Variants in RPL39 observed in about 807,000 individuals in gnomAD.
RPL39 encodes large ribosomal subunit protein eL39.
For synonymous variants in RPL39, 8 were observed against 11.4 expected (o/e 0.70, Z 0.60); for missense variants, 6 against 37.2 (o/e 0.16, Z 2.18).
chrX:119,787,365 C>T (rs1352887627), intron 2 of RPL39: 1 of 372,054 alleles, frequency 2.7e-6, no homozygotes, highest in African/African-American at 2.6e-5. Flanking sequence ...TTGTCCATGT[C>T]AATCTGTCAT....
Position 119,787,501 on chromosome X carries a change from G to A in RPL39, c.108-769C>T, listed in dbSNP as rs142012747. On this transcript the variant is annotated intron_variant, in intron 2 of 2. Transcript: ENST00000361575. Reference sequence around the variant, plus strand: ...ACCTGCTTTCAAAAACATTTTTAACGCTGGAAGATAGCTAAAACAATGAAA... The same window carrying A: ...ACCTGCTTTCAAAAACATTTTTAACACTGGAAGATAGCTAAAACAATGAAA... 3,400 of 369,946 alleles carry A rather than the reference G, an allele frequency of 9.2e-3. 42 individuals are homozygous for A. The highest frequency in any genetic ancestry group is 0.054 in the South Asian group (2,272 of 42,045). The allele number at this position is 369,946 out of a possible 1,213,427, so 30.5% of individuals were successfully genotyped here.
At chrX:119,790,290 G>A (rs2055692327) in intron 1 of RPL39, 2 of 213,061 alleles carry the variant, frequency 9.4e-6, no homozygotes, top group South Asian at 2.4e-4. Context: ...TCAAACCCAG[G>A]TCCTTTCTGC....
intron 2 of RPL39, 48 bp downstream of exon 2, chrX:119,789,860 G>A (rs1198257109): frequency 2.9e-6 from 2 of 701,363 alleles, no homozygotes; most frequent in Non-Finnish European, 4.6e-6. Context: ...GCCAGACACA[G>A]TGGCTCTTAC....
chrX:119,788,789 C>A (rs1162076923), intron 2 of RPL39, among the ~76,000 whole-genome samples: 2 of 111,596 alleles, frequency 1.8e-5, no homozygotes, highest in East Asian at 5.6e-4. Context: ...GACCAAAGAG[C>A]GATGGGCTGA....
intron 2 of RPL39, among the ~76,000 whole-genome samples, chrX:119,787,966 T>C (rs139475716): frequency 1.5e-3 from 172 of 111,489 alleles, no homozygotes; most frequent in South Asian, 9.4e-3. Context: ...GGTTTATATA[T>C]ACTTCTTTCA....
In RPL39 at chrX:119,789,894, G is replaced by A. The variant is rs2055689936; in HGVS notation, c.107+14C>T. 2 of 1,000,151 alleles carry A rather than the reference G, an allele frequency of 2.0e-6. No individual in the cohort carries two copies. The highest frequency in any genetic ancestry group is 3.0e-5 in the East Asian group (1 of 32,933). 82.4% of individuals were successfully genotyped at this position (1,000,151 alleles called of 1,213,427 possible). A position where few individuals can be genotyped will look rare whatever the true frequency, so the allele number is the denominator to read the frequency against. On this transcript the variant is annotated intron_variant, in intron 2 of 2. Coordinates refer to ENST00000361575, the MANE Select transcript of RPL39 (RefSeq NM_001000.4). ...ACATTTAGCAAAATACAAGCAGTATGATGGAGGTCTTACCTGATTTTATTT... is the reference window on the plus strand; with the variant it reads ...ACATTTAGCAAAATACAAGCAGTATAATGGAGGTCTTACCTGATTTTATTT...
At chrX:119,788,921 A>G (rs756153221) in intron 2 of RPL39, among the ~76,000 whole-genome samples, 3 of 112,181 alleles carry the variant, frequency 2.7e-5, no homozygotes, top group Non-Finnish European at 3.8e-5. Flanking sequence ...CTTCTGCAGT[A>G]GAGGACAGTT....
At chrX:119,786,769 T>C (rs748409563) in intron 2 of RPL39, 37 bp from the exon 3 acceptor site, 4 of 1,087,898 alleles carry the variant, frequency 3.7e-6, no homozygotes, top group African/African-American at 1.8e-5. Flanking sequence ...AAAGGCAGTC[T>C]GACAGCAATG....
chrX:119,786,851 A>G, intron 2 of RPL39, 119 bp from the exon 3 acceptor site: 1 of 529,249 alleles, frequency 1.9e-6, no homozygotes. Context: ...CTCCTCTAAC[A>G]AGTTTGGAGT....
chrX:119,791,434 G>A (rs2055700670), intron 1 of RPL39, 140 bp downstream of exon 1: 3 of 545,442 alleles, frequency 5.5e-6, no homozygotes, highest in Non-Finnish European at 7.9e-6. Flanking sequence ...AAAGACAACA[G>A]TGGCCGAACT....
At chrX:119,791,353 A>G in intron 1 of RPL39, 1 of 308,631 alleles carries the variant, frequency 3.2e-6, no homozygotes, top group Non-Finnish European at 5.9e-6. Context: ...GCCCCCTTGA[A>G]TCCGCGGCCG....
intron 2 of RPL39, chrX:119,787,261 A>G: frequency 6.4e-6 from 2 of 311,200 alleles, no homozygotes; most frequent in South Asian, 6.2e-5. Flanking sequence ...AGTTGAGATT[A>G]CAGGCATGAG....
intron 2 of RPL39, among the ~76,000 whole-genome samples, chrX:119,787,832 T>C (rs1041199928): frequency 7.2e-5 from 8 of 110,707 alleles, no homozygotes; most frequent in Middle Eastern, 9.3e-3. Context: ...ATATTTTTGG[T>C]AGAGATGGAC....
At position 119,789,951 on chromosome X, in the gene RPL39, G is replaced by A; in HGVS notation, c.64C>T (p.Pro22Ser). 1 of 1,193,668 alleles carries A rather than the reference G, an allele frequency of 8.4e-7. No individual in the cohort carries two copies. The highest frequency in any genetic ancestry group is 1.1e-6 in the Non-Finnish European group (1 of 879,976). ...TTCATCCGAATCCACTGGGGAATGG[G>A]ACGATTTTGCTTTTGTTTCTTGGCC... Reference protein sequence around the residue: ...FLAKKQKQNRPIPQWIRMKTG... With the variant: ...FLAKKQKQNRSIPQWIRMKTG... Residue 22 changes from proline (P) to serine (S), a missense_variant, in exon 2 of 3, where the codon CCC becomes TCC. By Grantham distance (74) the Pro-to-Ser change is moderately conservative. Coordinates refer to ENST00000361575, the MANE Select transcript of RPL39 (RefSeq NM_001000.4).
At chrX:119,791,121 G>T in intron 1 of RPL39, 1 of 134,481 alleles carries the variant, frequency 7.4e-6, no homozygotes, top group Non-Finnish European at 1.7e-5. Flanking sequence ...CTAAAAATGC[G>T]GTTCGCTTCT....
intron 2 of RPL39, chrX:119,787,584 C>A (rs969279910): frequency 3.4e-6 from 1 of 291,351 alleles, no homozygotes; most frequent in East Asian, 8.8e-5. Context: ...GTACAAAATA[C>A]CTTCCCAATT....
intron 1 of RPL39, chrX:119,790,704 C>CT (rs983568428): frequency 9.0e-6 from 1 of 111,470 alleles, no homozygotes; most frequent in African/African-American, 3.3e-5. Context: ...TGGCTTTCAT[C>CT]TAAGGCCAAC....
At chrX:119,789,849 G>A in intron 2 of RPL39, 59 bp downstream of exon 2, 1 of 638,137 alleles carries the variant, frequency 1.6e-6, no homozygotes, top group African/African-American at 2.2e-5. Context: ...AAGTAACCCT[G>A]GCCAGACACA....
intron 1 of RPL39, chrX:119,790,590 C>T (rs2055694628): frequency 8.9e-6 from 1 of 112,308 alleles, no homozygotes; most frequent in African/African-American, 3.2e-5. Context: ...AACTCTATCT[C>T]TACTGCTAAA....
Sources: allele counts gnomAD v4.1 joint callset (sites outside exome capture counted in the v4.1 genomes callset), GRCh38; gene constraint gnomAD v4.1.1; transcripts MANE v1.5; gene names NCBI Gene and HGNC (gene_info 2026-07-23, HGNC 2026-07-21).